MASP1: variants seen among roughly 807,000 people sequenced by gnomAD.
MASP1 encodes the protein mannan-binding lectin serine protease 1.
MASP1 carries 59 observed loss-of-function variants against 77.1 expected under a neutral mutation model. That is an observed-to-expected ratio of 0.77 (90% CI 0.62 to 0.95). The LOEUF (loss-of-function observed/expected upper bound fraction) is 0.95. Ranked by LOEUF, MASP1 falls within the 40% of genes least tolerant of loss-of-function variation. The pLI, the probability that MASP1 is intolerant of heterozygous loss-of-function variation, is 0.00. For synonymous variants in MASP1, 362 were observed against 354.5 expected (o/e 1.02, Z -0.24); for missense variants, 885 against 912.9 (o/e 0.97, Z 0.39).
intron 2 of MASP1, among the ~76,000 whole-genome samples, chr3:187,264,735 T>C (rs905663713): frequency 6.6e-6 from 1 of 152,224 alleles, no homozygotes; most frequent in Non-Finnish European, 1.5e-5. Flanking sequence ...CACTGTACTT[T>C]TCTGTCTGCT....
chr3:187,269,651 T>C (rs1716353442), intron 2 of MASP1, among the ~76,000 whole-genome samples: 1 of 152,196 alleles, frequency 6.6e-6, no homozygotes, highest in Non-Finnish European at 1.5e-5. Flanking sequence ...ACATTCTTGG[T>C]ATCTGGAGTT....
chr3:187,288,503 C>T (rs1718034599), intron 1 of MASP1, among the ~76,000 whole-genome samples: 1 of 152,172 alleles, frequency 6.6e-6, no homozygotes, highest in Non-Finnish European at 1.5e-5. Context: ...TTTCCTCATC[C>T]ATTAAGTAGT....
At chr3:187,284,578 A>G (rs375226301) in intron 2 of MASP1, among the ~76,000 whole-genome samples, 2 of 152,212 alleles carry the variant, frequency 1.3e-5, no homozygotes, top group African/African-American at 4.8e-5. Flanking sequence ...TACAATGACA[A>G]TACTCTACAT....
chr3:187,241,045 T>C (rs1713592665), intron 10 of MASP1, among the ~76,000 whole-genome samples: 1 of 152,152 alleles, frequency 6.6e-6, no homozygotes, highest in South Asian at 2.1e-4. Flanking sequence ...AAGTAAACCA[T>C]GGGAATCGGA....
At chr3:187,220,645 C>T (rs1052743720) in intron 15 of MASP1, among the ~76,000 whole-genome samples, 2 of 151,812 alleles carry the variant, frequency 1.3e-5, no homozygotes, top group Non-Finnish European at 2.9e-5. Flanking sequence ...CTACAGGCAC[C>T]TGCCACCATG....
At chr3:187,243,074 TA>T in intron 9 of MASP1, 1 of 316,770 alleles carries the variant, frequency 3.2e-6, no homozygotes, top group Non-Finnish European at 6.1e-6. Flanking sequence ...GAAGCAGTAA[TA>T]CTGGCCTTTT....
chr3:187,235,704 C>T lies in MASP1; in HGVS notation c.2167G>A (p.Glu723Lys). The T allele has an allele frequency of 6.2e-7, 1 of 1,614,176 alleles. No homozygotes were observed. Among genetic ancestry groups the T allele is most frequent in the Non-Finnish European group, 8.5e-7 (1 of 1,180,026 alleles). The change falls in exon 11 of 11, where the codon GAG (glutamate) becomes AAG (lysine). Residue 723 changes from glutamate to lysine, a missense_variant. By Grantham distance (56) the Glu-to-Lys change is moderately conservative. Transcript: ENST00000296280. Reference protein sequence around the residue: ...EQMGLPQSVVEPQVER With the variant: ...EQMGLPQSVVKPQVER ...TCAGCTCACCGTTCCACCTGGGGCT[C>T]CACAACACTTTGTGGTAAGCCCATC...
chr3:187,272,217 G>A lies in MASP1; in HGVS notation c.238-9497C>T, dbSNP rs566447547. Among the ~76,000 whole-genome samples the A allele has an allele frequency of 1.5e-4, 23 of 152,248 alleles. No homozygotes were observed. In the South Asian group the frequency reaches 3.7e-3, roughly 25 times the overall value. The stretch of plus-strand genomic sequence containing the variant: ...AGACAGATCTTAGATGTTCAAGAAA[G>A]GTTGCAATAAGAACATCTGTGCCCT... On this transcript the variant is annotated intron_variant, in intron 2 of 10. Coordinates refer to ENST00000296280, the MANE Select transcript of MASP1 (RefSeq NM_139125.4).
intron 10 of MASP1, among the ~76,000 whole-genome samples, chr3:187,239,571 T>C (rs530273379): frequency 6.6e-6 from 1 of 152,182 alleles, no homozygotes. Flanking sequence ...TCCCTAGCTT[T>C]TTTTTGCTCA....
At chr3:187,260,689 A>C (rs908372874) in intron 4 of MASP1, 52 bp downstream of exon 4, 9 of 1,612,306 alleles carry the variant, frequency 5.6e-6, no homozygotes, top group Non-Finnish European at 7.6e-6. Context: ...ATCTAATGTT[A>C]TTGAGGATGT....
intron 5 of MASP1, among the ~76,000 whole-genome samples, chr3:187,254,445 G>C (rs1272633843): frequency 6.6e-6 from 1 of 152,162 alleles, no homozygotes; most frequent in Non-Finnish European, 1.5e-5. Context: ...CCAAGGGTGG[G>C]AAAGAGCTTG....
At chr3:187,226,358 C>T in intron 12 of MASP1, 3 of 1,406,008 alleles carry the variant, frequency 2.1e-6, no homozygotes, top group Non-Finnish European at 3.0e-6. Context: ...TAGGTCATTC[C>T]CAGAACCACA....
intron 2 of MASP1, among the ~76,000 whole-genome samples, chr3:187,273,923 T>C (rs1387987601): frequency 6.6e-6 from 1 of 152,160 alleles, no homozygotes; most frequent in Non-Finnish European, 1.5e-5. Context: ...AGAGTAATAA[T>C]AATCAGCCAG....
At chr3:187,240,884 C>T (rs928148738) in intron 10 of MASP1, among the ~76,000 whole-genome samples, 8 of 152,184 alleles carry the variant, frequency 5.3e-5, no homozygotes, top group African/African-American at 1.9e-4. Flanking sequence ...GATCCACCCG[C>T]CTTGGCCTCC....
At chr3:187,223,097 ACTGT>A (rs1313487735) in intron 14 of MASP1, 3 of 1,588,972 alleles carry the variant, frequency 1.9e-6, no homozygotes, top group African/African-American at 1.3e-5. Flanking sequence ...CTGAGGTGTC[ACTGT>A]CTGTAGGTTA....
chr3:187,256,714 A>C lies in MASP1; in HGVS notation c.694T>G (p.Phe232Val). The C allele has an allele frequency of 2.5e-6, 4 of 1,613,958 alleles. No homozygotes were observed. The highest frequency in any genetic ancestry group is 3.4e-6 in the Non-Finnish European group (4 of 1,179,992). The change falls in exon 5 of 11, where the codon TTT (phenylalanine) becomes GTT (valine). Residue 232 changes from phenylalanine (F) to valine (V), a missense_variant. Phe to Val is a conservative substitution (Grantham distance 50). Transcript: ENST00000296280. The stretch of plus-strand genomic sequence containing the variant: ...ACCTCAGGATGGTCCTCAATGTCAA[A>C]TATGTCCTCAAACTGCAGGTTGACC... ...FMVNLQFEDI[F>V]DIEDHPEVPC...
Position 187,235,762 on chromosome 3 carries a change from C to A in MASP1, c.2109G>T (p.Lys703Asn). ...ACACCCAGTCCACGTAATTGGAGAC[C>A]TTTGTGTAGACTCCATAGACCTGCT... Reference protein sequence around the residue: ...GSKQVYGVYTKVSNYVDWVWE... With the variant: ...GSKQVYGVYTNVSNYVDWVWE... The change falls in exon 11 of 11, where the codon AAG becomes AAT. Residue 703 changes from lysine to asparagine, a missense_variant. By Grantham distance (94) the Lys-to-Asn change is moderately conservative (BLOSUM62 0). Transcript: ENST00000296280. The A allele has an allele frequency of 6.2e-7, 1 of 1,614,164 alleles. No homozygotes were observed. Among genetic ancestry groups the A allele is most frequent in the East Asian group, 2.2e-5 (1 of 44,882 alleles).
chr3:187,233,957 C>A, downstream of MASP1: 1 of 540,702 alleles, frequency 1.8e-6, no homozygotes, highest in Non-Finnish European at 2.8e-6. Context: ...TGTCCAGATA[C>A]CAAAAGTTGT....
intron 6 of MASP1, 132 bp from the exon 7 acceptor site, chr3:187,251,884 C>G (rs1714637403): frequency 2.7e-6 from 2 of 742,750 alleles, no homozygotes; most frequent in Admixed American, 4.0e-5. Flanking sequence ...ATGGATCTTC[C>G]AAGCCCTGCA....
Sources: allele counts gnomAD v4.1 joint callset (sites outside exome capture counted in the v4.1 genomes callset), GRCh38; gene constraint gnomAD v4.1.1; transcripts MANE v1.5; gene names NCBI Gene and HGNC (gene_info 2026-07-23, HGNC 2026-07-21).